Variants in MTFR1L observed in about 807,000 individuals in gnomAD.
MTFR1L encodes the protein mitochondrial fission regulator 1-like.
Under a neutral mutation model 27.9 loss-of-function variants are expected in MTFR1L, and 10 were observed. The observed-to-expected ratio is 0.36, with a 90% CI of 0.22 to 0.61. The LOEUF (loss-of-function observed/expected upper bound fraction) is 0.61, where lower values mean the gene tolerates loss of function less well. Among genes scored for constraint, MTFR1L ranks in the 20% least tolerant of loss-of-function variants. MTFR1L has a pLI of 0.73. For missense variants in MTFR1L, 315 were observed against 363.7 expected, an observed-to-expected ratio of 0.87 and a Z score of 1.09; for synonymous variants, 151 against 139.4, an observed-to-expected ratio of 1.08 and a Z score of -0.58.
Position 25,823,048 on chromosome 1 carries a change from C to T in MTFR1L, c.-57C>T, listed in dbSNP as rs772230854. On this transcript the variant is annotated 5_prime_UTR_variant, in exon 2 of 7. Transcript: ENST00000374303. The stretch of plus-strand genomic sequence containing the variant: ...CCTGATATGAAGGAGTCACGCCTCC[C>T]GCCTCCCGGAGCTGCCCAGTGGCTG... 1.3e-5 allele frequency: 21 copies of T among 1,613,878 alleles called. No homozygotes were observed. The highest frequency in any genetic ancestry group is 1.6e-4 in the Middle Eastern group (1 of 6,084).
chr1:25,823,404 T>A (rs1191747505), intron 2 of MTFR1L: 1 of 735,126 alleles, frequency 1.4e-6, no homozygotes, highest in Non-Finnish European at 2.4e-6. Context: ...TCCCCTTCCC[T>A]GACCCTCCCA....
At chr1:25,823,773 A>C in intron 3 of MTFR1L, 25 bp downstream of exon 3, 2 of 1,611,814 alleles carry the variant, frequency 1.2e-6, no homozygotes, top group Middle Eastern at 1.8e-4. Flanking sequence ...AGGGCAGGAG[A>C]GTAGAGGCTC....
intron 2 of MTFR1L, 21 bp downstream of exon 2, chr1:25,823,149 A>C: frequency 1.2e-6 from 2 of 1,611,564 alleles, no homozygotes; most frequent in Non-Finnish European, 1.7e-6. Context: ...TTCCCAGGGC[A>C]GGGGTATGGT....
Position 25,823,046 on chromosome 1 carries a change from C to G in MTFR1L, c.-59C>G. On this transcript the variant is annotated 5_prime_UTR_variant, in exon 2 of 7. Transcript: ENST00000374303. ...GGCCTGATATGAAGGAGTCACGCCT[C>G]CCGCCTCCCGGAGCTGCCCAGTGGC... The G allele has an allele frequency of 6.2e-7, 1 of 1,614,000 alleles. No homozygotes were observed. Among genetic ancestry groups the G allele is most frequent in the Non-Finnish European group, 8.5e-7 (1 of 1,179,996 alleles).
In MTFR1L at chr1:25,829,588, A is replaced by G; in HGVS notation, c.531A>G (p.Ser177=). 1 of 1,614,164 alleles carries G rather than the reference A, an allele frequency of 6.2e-7. No homozygotes were observed. The highest frequency in any genetic ancestry group is 8.5e-7 in the Non-Finnish European group (1 of 1,180,030). Residue 177 remains serine (S), a synonymous_variant, in exon 6 of 7, where the codon TCA becomes TCG. Coordinates refer to ENST00000374303, the MANE Select transcript of MTFR1L (RefSeq NM_001099625.2). ...CTCCCTTACCTTGTTTTGGATCCTC[A>G]TTCCACTCTACAACTTCCTTTGTCA... is the stretch of plus-strand genomic sequence containing the variant. ...VSSPLPCFGS[S]FHSTTSFVIS...
chr1:25,824,011 G>A (rs933669223), intron 3 of MTFR1L, among the ~76,000 whole-genome samples: 1 of 152,132 alleles, frequency 6.6e-6, no homozygotes, highest in Non-Finnish European at 1.5e-5. Context: ...TTCTTCACCA[G>A]CCCTAAGAAT....
Position 25,826,438 on chromosome 1 carries a change from A to G in MTFR1L, c.239+27A>G. 2 of 1,611,990 alleles carry G rather than the reference A, an allele frequency of 1.2e-6. No individual in the cohort carries two copies. Among genetic ancestry groups the G allele is most frequent in the Non-Finnish European group, 1.7e-6 (2 of 1,178,066 alleles). On this transcript the variant is annotated intron_variant, in intron 4 of 6. Transcript: ENST00000374303. This position sits in a 1 kb window ranked among gnomAD's most constrained non-coding sequence, Gnocchi z 4.1. ...TAGTTGAGGCAGTAGCTGGTCTGCT[A>G]AGGAATGGAGAACTTCCCAGAAGAG...
intron 6 of MTFR1L, 72 bp from the exon 7 acceptor site, chr1:25,831,849 G>A: frequency 8.2e-7 from 1 of 1,218,692 alleles, no homozygotes; most frequent in Non-Finnish European, 1.2e-6. Flanking sequence ...GATTCAACGA[G>A]ATAATGTATT....
intron 2 of MTFR1L, 66 bp downstream of exon 2, chr1:25,823,194 G>A (rs770800343): frequency 6.7e-7 from 1 of 1,486,380 alleles, no homozygotes; most frequent in South Asian, 1.1e-5. Flanking sequence ...CTGAAGTACT[G>A]TAAAAGGTTC....
rs1403135369 is a variant in MTFR1L at position 25,831,829 on chromosome 1, T to C, written c.774-92T>C. 4 of 1,062,440 alleles carry C rather than the reference T, an allele frequency of 3.8e-6. No individual in the cohort carries two copies. The East Asian group carries it at 7.1e-5, about 19-fold the overall frequency. 65.8% of individuals were successfully genotyped at this position (1,062,440 alleles called of 1,614,324 possible). ...TTGTAATGGCACCTACCTCGTAAGATTGTTGTGAGGATTCAACGAGATAAT... is the reference window on the plus strand; with the variant it reads ...TTGTAATGGCACCTACCTCGTAAGACTGTTGTGAGGATTCAACGAGATAAT... On this transcript the variant is annotated intron_variant, in intron 6 of 6. Transcript: ENST00000374303.
chr1:25,825,106 GTTC>G (rs768061434), intron 3 of MTFR1L, among the ~76,000 whole-genome samples: 28 of 152,184 alleles, frequency 1.8e-4, no homozygotes, highest in Non-Finnish European at 2.5e-4. Context: ...GTCACTGGAA[GTTC>G]TTCTCTGTGT....
chr1:25,828,064 CACT>C (rs911548762), intron 5 of MTFR1L, among the ~76,000 whole-genome samples: 12 of 152,266 alleles, frequency 7.9e-5, no homozygotes, highest in East Asian at 5.8e-4. Context: ...CCCCCACCAC[CACT>C]GAGACTTACC....
At position 25,828,298 on chromosome 1, in the gene MTFR1L, A is replaced by G. The variant is rs547720878; in HGVS notation, c.452-1211A>G. ...GTTGGAGATCTTGGCCTTAAAATAC[A>G]GTGGTCGGGCACTGTGGCTTACGCC... On this transcript the variant is annotated intron_variant, in intron 5 of 6. Coordinates refer to ENST00000374303, the MANE Select transcript of MTFR1L (RefSeq NM_001099625.2). 4.6e-5 allele frequency among the ~76,000 whole-genome samples: 7 copies of G among 152,338 alleles called. No homozygotes were observed. The South Asian group carries it at 1.4e-3, about 32-fold the overall frequency.
intron 6 of MTFR1L, 148 bp from the exon 7 acceptor site, chr1:25,831,773 G>C: frequency 2.6e-6 from 2 of 762,128 alleles, no homozygotes; most frequent in Non-Finnish European, 4.4e-6. Flanking sequence ...TAACCTTTCT[G>C]TGCTTCAATT....
At chr1:25,829,441 T>C in intron 5 of MTFR1L, 68 bp from the exon 6 acceptor site, 1 of 1,377,174 alleles carries the variant, frequency 7.3e-7, no homozygotes, top group Non-Finnish European at 1.0e-6. Context: ...GGCAGGGCTG[T>C]GGGGAGAAGA....
chr1:25,830,770 T>C (rs1272400242), intron 6 of MTFR1L, among the ~76,000 whole-genome samples: 2 of 152,198 alleles, frequency 1.3e-5, no homozygotes, highest in Non-Finnish European at 2.9e-5. Flanking sequence ...TCCCTTTTTG[T>C]CTCCTGGGAT....
At position 25,829,624 on chromosome 1, in the gene MTFR1L, C is replaced by G. The variant is rs1218345662; in HGVS notation, c.567C>G (p.Ile189Met). 1.2e-6 allele frequency: 2 copies of G among 1,614,222 alleles called. No homozygotes were observed. Among genetic ancestry groups the G allele is most frequent in the Non-Finnish European group, 8.5e-7 (1 of 1,180,042 alleles). ...HSTTSFVISD[I>M]TEETEVEVPE... ...CAACTTCCTTTGTCATTAGTGACAT[C>G]ACCGAGGAGACAGAGGTGGAGGTCC... Residue 189 changes from isoleucine to methionine, a missense_variant, in exon 6 of 7, where the codon ATC (isoleucine) becomes ATG (methionine). Coordinates refer to ENST00000374303, the MANE Select transcript of MTFR1L (RefSeq NM_001099625.2).
rs754718281 is a variant in MTFR1L at position 25,832,105 on chromosome 1, G to A, written c.*79G>A. 1.2e-6 allele frequency: 2 copies of A among 1,608,782 alleles called. No homozygotes were observed. The highest frequency in any genetic ancestry group is 1.7e-6 in the Non-Finnish European group (2 of 1,178,232). ...TGCCTTCCTCACCGCAGATGTTTCT[G>A]CCTCTTAAGGATAGATCTTCTGCAA... On this transcript the variant is annotated 3_prime_UTR_variant, in exon 7 of 7. Transcript: ENST00000374303.
At chr1:25,831,742 A>G (rs1436391051) in intron 6 of MTFR1L, among the ~76,000 whole-genome samples, 179 bp from the exon 7 acceptor site, 1 of 152,240 alleles carries the variant, frequency 6.6e-6, no homozygotes, top group African/African-American at 2.4e-5. Flanking sequence ...CTGAGTGACT[A>G]GTGACCTTGG....
Sources: allele counts gnomAD v4.1 joint callset (sites outside exome capture counted in the v4.1 genomes callset), GRCh38; gene constraint gnomAD v4.1.1; non-coding constraint Gnocchi (gnomAD v3.1); transcripts MANE v1.5; gene names NCBI Gene and HGNC (gene_info 2026-07-23, HGNC 2026-07-21).